The following HDC variants were observed in gnomAD, a reference collection of about 807,000 sequenced individuals.
HDC encodes the protein histidine decarboxylase.
Under a neutral mutation model 64.4 loss-of-function variants are expected in HDC, and 27 were observed. The observed-to-expected ratio is 0.42, with a 90% CI of 0.31 to 0.58. The LOEUF is 0.58. HDC is among the 20% of genes least tolerant of loss of function. HDC has a pLI of 0.16. For synonymous variants in HDC, 305 were observed against 314.2 expected, an observed-to-expected ratio of 0.97 and a Z score of 0.31; for missense variants, 711 against 833.9, an observed-to-expected ratio of 0.85 and a Z score of 1.81.
chr15:50,262,749 C>T (rs1469083559), intron 2 of HDC, among the ~76,000 whole-genome samples: 2 of 152,190 alleles, frequency 1.3e-5, no homozygotes, highest in African/African-American at 2.4e-5. Flanking sequence ...TGGTCACCAG[C>T]GTGTCCTTGC....
intron 9 of HDC, among the ~76,000 whole-genome samples, chr15:50,249,114 AT>A (rs2140929133): frequency 6.6e-6 from 1 of 152,336 alleles, no homozygotes; most frequent in African/African-American, 2.4e-5. Flanking sequence ...CAGATTTCAA[AT>A]GAGCACCCAA....
At position 50,248,154 on chromosome 15, in the gene HDC, C is replaced by G. The variant is rs2045506555; in HGVS notation, c.1140+91G>C. ...ACCTGAACCACACACCGCAAGTCTC[C>G]TAGGCAGATCTGCAAAGTAGAAACC... On this transcript the variant is annotated intron_variant, in intron 10 of 11. Coordinates refer to ENST00000267845, the MANE Select transcript of HDC (RefSeq NM_002112.4). The surrounding 1 kb of genome is among the most constrained non-coding windows in gnomAD (Gnocchi z 4.3). 1.1e-6 allele frequency: 1 copy of G among 874,466 alleles called. No individual in the cohort carries two copies. Among genetic ancestry groups the G allele is most frequent in the Non-Finnish European group, 1.9e-6 (1 of 526,496 alleles). The allele number at this position is 874,466 out of a possible 1,614,324, so 54.2% of individuals were successfully genotyped here. A position where few individuals can be genotyped will look rare whatever the true frequency, so the allele number is the denominator to read the frequency against.
At position 50,242,870 on chromosome 15, in the gene HDC, A is replaced by G. The variant is rs2045420275; in HGVS notation, c.1379T>C (p.Ile460Thr). ...VTSQFTTRDD[I>T]LRDWNLIRDA... ...TCGAATGAGATTCCAGTCTCTCAGG[A>G]TGTCATCCCTAGTGGTAAACTGGGA... The change falls in exon 12 of 12, where the codon ATC becomes ACC. Residue 460 changes from isoleucine to threonine, a missense_variant. Transcript: ENST00000267845. 1.9e-6 allele frequency: 3 copies of G among 1,613,894 alleles called. No homozygotes were observed. Among genetic ancestry groups the G allele is most frequent in the South Asian group, 2.2e-5 (2 of 91,084 alleles).
chr15:50,252,296 T>A, intron 9 of HDC, 134 bp downstream of exon 9: 1 of 703,678 alleles, frequency 1.4e-6, no homozygotes. Context: ...AGGTATGCAT[T>A]GGCAGTATTA....
intron 10 of HDC, among the ~76,000 whole-genome samples, chr15:50,245,415 GTGA>G (rs1259394253): frequency 2.0e-5 from 3 of 152,008 alleles, no homozygotes; most frequent in Admixed American, 6.6e-5. Flanking sequence ...GATGATGATG[GTGA>G]TGATGATGAC....
intron 10 of HDC, among the ~76,000 whole-genome samples, chr15:50,247,921 C>A (rs1487796515): frequency 6.6e-6 from 1 of 151,420 alleles, no homozygotes; most frequent in Non-Finnish European, 1.5e-5. Flanking sequence ...CCTGGCCACA[C>A]ACACTTCCCC....
At chr15:50,255,276 G>A (rs766735120) in intron 4 of HDC, among the ~76,000 whole-genome samples, 16 of 152,106 alleles carry the variant, frequency 1.1e-4, no homozygotes, top group East Asian at 7.7e-4. Flanking sequence ...GGAAATCTTC[G>A]GGGCCACCTC....
At position 50,242,198 on chromosome 15, in the gene HDC, A is replaced by G. The variant is rs1169777683; in HGVS notation, c.*62T>C. 1.5e-6 allele frequency: 2 copies of G among 1,376,308 alleles called. No individual in the cohort carries two copies. The highest frequency in any genetic ancestry group is 1.4e-5 in the African/African-American group (1 of 69,900). The allele number at this position is 1,376,308 out of a possible 1,614,324, so 85.3% of individuals were successfully genotyped here. On this transcript the variant is annotated 3_prime_UTR_variant, in exon 12 of 12. Coordinates refer to ENST00000267845, the MANE Select transcript of HDC (RefSeq NM_002112.4). The stretch of plus-strand genomic sequence containing the variant: ...CATAAGCACACAAAGTTGGCATACA[A>G]TTGTGAGGGGTTCACAGAGTCCCTG...
chr15:50,260,381 A>G (rs1358771707), intron 2 of HDC, among the ~76,000 whole-genome samples: 1 of 152,156 alleles, frequency 6.6e-6, no homozygotes, highest in Non-Finnish European at 1.5e-5. Context: ...AGACCCCATA[A>G]GACCAGGAGC....
Position 50,248,017 on chromosome 15 carries a change from G to A in HDC, c.1140+228C>T, listed in dbSNP as rs1420587471. On this transcript the variant is annotated intron_variant, in intron 10 of 11. Coordinates refer to ENST00000267845, the MANE Select transcript of HDC (RefSeq NM_002112.4). This position sits in a 1 kb window ranked among gnomAD's most constrained non-coding sequence, Gnocchi z 4.3. ...GCTCAGTGACAGCAAGGGGAACGGT[G>A]AGACACTCAGCAGAGGACAGGCATC... 6.6e-6 allele frequency among the ~76,000 whole-genome samples: 1 copy of A among 152,192 alleles called. No homozygotes were observed. The highest frequency in any genetic ancestry group is 2.4e-5 in the African/African-American group (1 of 41,442).
intron 10 of HDC, among the ~76,000 whole-genome samples, chr15:50,246,351 T>C (rs1309544581): frequency 1.3e-5 from 2 of 152,222 alleles, no homozygotes; most frequent in African/African-American, 4.8e-5. Flanking sequence ...TTGTGGGACA[T>C]TGGAAGAACT....
intron 9 of HDC, among the ~76,000 whole-genome samples, chr15:50,251,067 A>G (rs111552629): frequency 4.3e-4 from 65 of 152,366 alleles, no homozygotes; most frequent in African/African-American, 1.5e-3. Context: ...TGCTCTCAGC[A>G]CTTCAGTGTA....
At chr15:50,257,096 T>C (rs973897288) in intron 4 of HDC, among the ~76,000 whole-genome samples, 1 of 152,230 alleles carries the variant, frequency 6.6e-6, no homozygotes, top group African/African-American at 2.4e-5. Flanking sequence ...CCTTGCCTTC[T>C]CCTTTCCCCT....
At chr15:50,250,635 A>T (rs2045542260) in intron 9 of HDC, among the ~76,000 whole-genome samples, 1 of 152,184 alleles carries the variant, frequency 6.6e-6, no homozygotes, top group African/African-American at 2.4e-5. Context: ...AGTTATGATG[A>T]CCCAAATACA....
intron 10 of HDC, among the ~76,000 whole-genome samples, chr15:50,247,425 C>T (rs1171206653): frequency 6.6e-6 from 1 of 151,878 alleles, no homozygotes; most frequent in Non-Finnish European, 1.5e-5. Context: ...TCATAGTTAC[C>T]GCTTCCACCA....
At chr15:50,245,238 G>C (rs2045464225) in intron 10 of HDC, among the ~76,000 whole-genome samples, 1 of 152,198 alleles carries the variant, frequency 6.6e-6, no homozygotes, top group Admixed American at 6.5e-5. Context: ...AAGTTTTTTG[G>C]AACACAGCAT....
intron 3 of HDC, among the ~76,000 whole-genome samples, 178 bp from the exon 4 acceptor site, chr15:50,257,725 T>C (rs765555811): frequency 4.6e-5 from 7 of 152,104 alleles, no homozygotes; most frequent in Non-Finnish European, 1.0e-4. Context: ...GAGAAAATAA[T>C]GTGGGGTTTT....
chr15:50,253,385 G>A (rs994760165), intron 7 of HDC: 3 of 623,630 alleles, frequency 4.8e-6, no homozygotes, highest in Non-Finnish European at 8.7e-6. Context: ...AGGAGGCAAG[G>A]TAGGCCACCT....
rs542486289 is a variant in HDC at position 50,254,776 on chromosome 15, C to CTCTCTCTCTGTG, written c.442-113_442-112insCACAGAGAGAGA. The CTCTCTCTCTGTG allele has an allele frequency of 3.7e-6, 3 of 820,946 alleles. No homozygotes were observed. In the African/African-American group the frequency reaches 5.5e-5, roughly 15 times the overall value. 50.9% of individuals were successfully genotyped at this position (820,946 alleles called of 1,614,324 possible). On this transcript the variant is annotated intron_variant, in intron 4 of 11. Coordinates refer to ENST00000267845, the MANE Select transcript of HDC (RefSeq NM_002112.4). ...TCTCTCTCTCTCTCTCTCTCTCTCT[C>CTCTCTCTCTGTG]TGTGTGTGTATGTGTTTGTGTATGT...
Sources: gnomAD v4.1 joint callset for allele counts (sites outside exome capture counted in the v4.1 genomes callset) on GRCh38, gnomAD v4.1.1 for gene constraint, Gnocchi (gnomAD v3.1) non-coding constraint, MANE v1.5 for transcripts, NCBI Gene and HGNC (gene_info 2026-07-23, HGNC 2026-07-21) for gene names.